Variants in PRKN observed in about 807,000 individuals in gnomAD.
PRKN encodes parkin RBR E3 ubiquitin protein ligase.
Under a neutral mutation model 59.5 loss-of-function variants are expected in PRKN, and 56 were observed. The observed-to-expected ratio is 0.94, with a 90% CI of 0.76 to 1.18. The LOEUF is 1.18. Among genes scored for constraint, PRKN ranks in the 50% most tolerant of loss-of-function variants. PRKN has a pLI of 0.00. For synonymous variants in PRKN, 250 were observed against 222.1 expected, an observed-to-expected ratio of 1.13 and a Z score of -1.12; for missense variants, 657 against 596.4, an observed-to-expected ratio of 1.10 and a Z score of -1.06.
rs1554267941 is a variant in PRKN, at chr6:161,499,132, A to AC, written c.1083+49721_1083+49722insG. On this transcript the variant is annotated intron_variant, in intron 9 of 11. Transcript: ENST00000366898. The surrounding 1 kb of genome is among the most constrained non-coding windows in gnomAD (Gnocchi z 4.2). ...AGGGTCTGGACACACACACACACAC[A>AC]TTTTTTTTTTTTTTTTGGCTCACAG... is the stretch of plus-strand genomic sequence containing the variant. 1.9e-3 allele frequency among the ~76,000 whole-genome samples: 255 copies of AC among 136,504 alleles called. No individual in the cohort carries two copies. Among genetic ancestry groups the AC allele is most frequent in the African/African-American group, 4.5e-3 (167 of 36,860 alleles). 89.6% of individuals were successfully genotyped at this position (136,504 alleles called of 152,430 possible). A position where few individuals can be genotyped will look rare whatever the true frequency, so the allele number is the denominator to read the frequency against.
intron 1 of PRKN, among the ~76,000 whole-genome samples, chr6:162,524,722 G>GTT (rs1471887236): frequency 3.3e-5 from 5 of 152,104 alleles, no homozygotes; most frequent in Non-Finnish European, 7.4e-5. Flanking sequence ...CTAGTTTGAG[G>GTT]TAAGTTTGCA....
chr6:161,964,473 C>T (rs921260885), intron 6 of PRKN, among the ~76,000 whole-genome samples: 1 of 152,000 alleles, frequency 6.6e-6, no homozygotes, highest in Non-Finnish European at 1.5e-5. Flanking sequence ...ATAGAATTTA[C>T]TCCTATGGGG....
At chr6:161,712,808 C>CAAA (rs1786805545) in intron 7 of PRKN, among the ~76,000 whole-genome samples, 1 of 152,044 alleles carries the variant, frequency 6.6e-6, no homozygotes, top group African/African-American at 2.4e-5. Context: ...AAAACAAAAA[C>CAAA]AAACTGTTTT....
chr6:162,692,239 C>T (rs2128235290), intron 1 of PRKN, among the ~76,000 whole-genome samples: 1 of 151,106 alleles, frequency 6.6e-6, no homozygotes, highest in South Asian at 2.1e-4. Flanking sequence ...CCCTGTGTAT[C>T]AAGAGACTTG....
intron 2 of PRKN, among the ~76,000 whole-genome samples, chr6:162,431,807 C>T (rs1465281401): frequency 1.3e-5 from 2 of 152,144 alleles, no homozygotes; most frequent in Admixed American, 6.5e-5. Flanking sequence ...AAAAGATTAT[C>T]AACAAATGTA....
At position 161,550,168 on chromosome 6, in the gene PRKN, C is replaced by T. The variant is rs1779947128; in HGVS notation, c.934-1165G>A. ...AGCCCCAGTGTGCTGATGTGGTTGGCTGTTCAGGGTACAACAAGGGGGGCA... is the reference window on the plus strand; with the variant it reads ...AGCCCCAGTGTGCTGATGTGGTTGGTTGTTCAGGGTACAACAAGGGGGGCA... On this transcript the variant is annotated intron_variant, in intron 8 of 11. Coordinates refer to ENST00000366898, the MANE Select transcript of PRKN (RefSeq NM_004562.3). The surrounding 1 kb of genome is among the most constrained non-coding windows in gnomAD (Gnocchi z 4.0). Among the ~76,000 whole-genome samples, 1 of 152,126 alleles carries T rather than the reference C, an allele frequency of 6.6e-6. No individual in the cohort carries two copies. Among genetic ancestry groups the T allele is most frequent in the Admixed American group, 6.5e-5 (1 of 15,284 alleles).
At chr6:162,014,774 C>A (rs1407544534) in intron 5 of PRKN, among the ~76,000 whole-genome samples, 2 of 151,830 alleles carry the variant, frequency 1.3e-5, no homozygotes, top group Admixed American at 1.3e-4. Flanking sequence ...TTCACTCCTG[C>A]AAATAAGATA....
At chr6:162,070,654 G>C (rs1778536821) in intron 4 of PRKN, among the ~76,000 whole-genome samples, 1 of 152,112 alleles carries the variant, frequency 6.6e-6, no homozygotes. Context: ...GGGACCCAGT[G>C]GGATGGTTTC....
At chr6:162,097,518 T>C (rs1362927969) in intron 4 of PRKN, among the ~76,000 whole-genome samples, 2 of 152,172 alleles carry the variant, frequency 1.3e-5, no homozygotes, top group Non-Finnish European at 2.9e-5. Context: ...ATTTCCGTAA[T>C]GGTGGTTAAG....
chr6:162,239,036 G>C (rs982533943), intron 3 of PRKN, among the ~76,000 whole-genome samples: 2 of 152,124 alleles, frequency 1.3e-5, no homozygotes, highest in Non-Finnish European at 2.9e-5. Flanking sequence ...AATGACCAGA[G>C]AAAACGCTAG....
At chr6:161,884,376 T>A (rs941592658) in intron 6 of PRKN, among the ~76,000 whole-genome samples, 10 of 152,210 alleles carry the variant, frequency 6.6e-5, no homozygotes, top group Non-Finnish European at 1.0e-4. Context: ...ACCACTGCTA[T>A]GAGCTGAATT....
At chr6:161,532,166 C>CTCTCTCTA (rs1355724171) in intron 9 of PRKN, among the ~76,000 whole-genome samples, 163 of 115,380 alleles carry the variant, frequency 1.4e-3, no homozygotes, top group Middle Eastern at 5.1e-3. Flanking sequence ...CTCTCTCTCT[C>CTCTCTCTA]TATATATATA....
chr6:162,286,527 GA>G (rs1169734505), intron 2 of PRKN, among the ~76,000 whole-genome samples: 3 of 152,156 alleles, frequency 2.0e-5, no homozygotes, highest in Non-Finnish European at 2.9e-5. Context: ...TATCATGTGG[GA>G]TTAGCATAAG....
chr6:161,469,787 A>C (rs1463811130), intron 9 of PRKN, among the ~76,000 whole-genome samples: 2 of 152,192 alleles, frequency 1.3e-5, no homozygotes, highest in Non-Finnish European at 2.9e-5. Flanking sequence ...CTGTAAGAAA[A>C]TAAATCTGTG....
chr6:161,450,847 G>GCA (rs1189315065), intron 9 of PRKN, among the ~76,000 whole-genome samples: 1,989 of 152,266 alleles, frequency 0.013, 41 homozygotes, highest in African/African-American at 0.046. Context: ...GAGCCACCAT[G>GCA]CCCGGCTTGT....
At chr6:162,480,650 G>A (rs1162872158) in intron 1 of PRKN, among the ~76,000 whole-genome samples, 1 of 151,844 alleles carries the variant, frequency 6.6e-6, no homozygotes, top group Non-Finnish European at 1.5e-5. Flanking sequence ...AAACAGCCTA[G>A]GACACTGCCC....
Position 162,216,536 on chromosome 6 carries a change from C to CAAAA in PRKN, c.413-15288_413-15285dup, listed in dbSNP as rs35025497. Among the ~76,000 whole-genome samples, 171 of 34,936 alleles carry CAAAA rather than the reference C, an allele frequency of 4.9e-3. 8 individuals carry two copies. The highest frequency in any genetic ancestry group is 0.011 in the African/African-American group (148 of 12,984). The allele number at this position is 34,936 out of a possible 152,430, so 22.9% of individuals were successfully genotyped here. On this transcript the variant is annotated intron_variant, in intron 3 of 11. Coordinates refer to ENST00000366898, the MANE Select transcript of PRKN (RefSeq NM_004562.3). ...TGGGCGACAGAGCGAGACTCCGTCT[C>CAAAA]AAAAAAAAAAAAAAAAAAAAAAAAA...
At chr6:162,252,294 G>A (rs1779466826) in intron 3 of PRKN, among the ~76,000 whole-genome samples, 1 of 152,200 alleles carries the variant, frequency 6.6e-6, no homozygotes, top group Admixed American at 6.5e-5. Context: ...ACCTCCCATG[G>A]ATATTTGTCA....
rs557343011 is a variant in PRKN, at chr6:161,956,802, C to T, written c.734+16500G>A. On this transcript the variant is annotated intron_variant, in intron 6 of 11. Coordinates refer to ENST00000366898, the MANE Select transcript of PRKN (RefSeq NM_004562.3). ...TGTGTGTGATGGAGTCATCCTATTT[C>T]GTGCATTTTAGCATTTTCCTAGGAT... Among the ~76,000 whole-genome samples, 15 of 152,178 alleles carry T rather than the reference C, an allele frequency of 9.9e-5. No individual in the cohort carries two copies. In the East Asian group the frequency reaches 2.3e-3, roughly 23 times the overall value.
Sources: allele counts gnomAD v4.1 joint callset (sites outside exome capture counted in the v4.1 genomes callset), GRCh38; gene constraint gnomAD v4.1.1; non-coding constraint Gnocchi (gnomAD v3.1); transcripts MANE v1.5; gene names NCBI Gene and HGNC (gene_info 2026-07-23, HGNC 2026-07-21).